ZNF177: variants seen among roughly 807,000 people sequenced by gnomAD.
ZNF177 encodes zinc finger protein 177.
Under a neutral mutation model 19.4 loss-of-function variants are expected in ZNF177, and 17 were observed. The ratio of observed to expected loss-of-function variants is 0.87; its 90% CI spans 0.60 to 1.31. The LOEUF is 1.31. Ranked by LOEUF, ZNF177 falls within the 40% of genes most tolerant of loss-of-function variation. The pLI is 0.00. For synonymous variants in ZNF177, 220 were observed against 188.7 expected (o/e 1.17, Z -1.36); for missense variants, 633 against 561.8 (o/e 1.13, Z -1.28).
intron 2 of ZNF177, among the ~76,000 whole-genome samples, chr19:9,369,368 C>A (rs2068019339): frequency 6.6e-6 from 1 of 151,994 alleles, no homozygotes; most frequent in South Asian, 2.1e-4. Flanking sequence ...ATGTCATTAC[C>A]TCTAATAGTG....
In ZNF177 at chr19:9,379,069, T is replaced by C. The variant is rs79577494; in HGVS notation, c.141T>C (p.Phe47=). ...ACAAAGATGTGATGCTGGAGAACTT[T>C]AGGAACCTGGCCTCAGTAGGTAAGG... The change falls in exon 3 of 6, where the codon TTT becomes TTC. Residue 47 remains phenylalanine (F), a synonymous_variant. Transcript: ENST00000589262. 981 of 1,609,550 alleles carry C rather than the reference T, an allele frequency of 6.1e-4. 17 individuals are homozygous for C. The East Asian group carries it at 0.02, about 33-fold the overall frequency.
chr19:9,381,872 G>C (rs1318087336), exon 6 of ZNF177: 1 of 1,497,266 alleles, frequency 6.7e-7, no homozygotes, highest in Non-Finnish European at 8.9e-7. Context: ...CCTGGAAACA[G>C]CCTTCTGGCC....
intron 1 of ZNF177, among the ~76,000 whole-genome samples, chr19:9,377,241 G>A (rs2068122113): frequency 6.6e-6 from 1 of 152,136 alleles, no homozygotes; most frequent in African/African-American, 2.4e-5. Flanking sequence ...TCATGTAACA[G>A]TAGTAAATAT....
intron 1 of ZNF177, among the ~76,000 whole-genome samples, chr19:9,377,179 T>C (rs1316493004): frequency 6.6e-6 from 1 of 152,154 alleles, no homozygotes; most frequent in African/African-American, 2.4e-5. Context: ...CAGTGTAACA[T>C]TGTAAAGCAC....
chr19:9,379,465 A>G, intron 3 of ZNF177, 62 bp from the exon 6 acceptor site: 1 of 1,554,812 alleles, frequency 6.4e-7, no homozygotes, highest in Non-Finnish European at 8.7e-7. Context: ...TATGGCAATC[A>G]GTTTTGTGGA....
At chr19:9,381,008 C>A in exon 6 of ZNF177, 1 of 1,580,156 alleles carries the variant, frequency 6.3e-7, no homozygotes, top group Non-Finnish European at 8.6e-7. Context: ...GAGCAAATAC[C>A]TACTGGAGAG....
chr19:9,382,412 AGAAAG>A, downstream of ZNF177: 1 of 398,740 alleles, frequency 2.5e-6, no homozygotes, highest in South Asian at 1.3e-4. Context: ...AGGAGGACAG[AGAAAG>A]GATACTAAAT....
At chr19:9,363,042 C>T (rs1599379601) in exon 1 of ZNF177, 1 of 152,332 alleles carries the variant, frequency 6.6e-6, no homozygotes, top group Non-Finnish European at 1.5e-5. Flanking sequence ...TAGCTGTCGC[C>T]TGCAGCTGAG....
chr19:9,379,100 CTCATTTCT>C lies in ZNF177; in HGVS notation c.160+19_160+26del. On this transcript the variant is annotated intron_variant, in intron 3 of 5. Transcript: ENST00000589262. ...CCTGGCCTCAGTAGGTAAGGCTGGC[CTCATTTCT>C]TCATTTGTTTATGTAGCAAATAGTT... The C allele has an allele frequency of 6.3e-7, 1 of 1,588,166 alleles. No homozygotes were observed. Among genetic ancestry groups the C allele is most frequent in the Non-Finnish European group, 8.6e-7 (1 of 1,166,338 alleles).
chr19:9,380,005 T>C, intron 4 of ZNF177, 52 bp from the exon 7 acceptor site: 2 of 1,583,696 alleles, frequency 1.3e-6, no homozygotes, highest in Non-Finnish European at 1.7e-6. Context: ...CCCTTTTTCT[T>C]TGATCCCAAC....
intron 2 of ZNF177, among the ~76,000 whole-genome samples, chr19:9,366,550 C>T (rs2067982501): frequency 5.9e-5 from 9 of 152,210 alleles, no homozygotes; most frequent in Admixed American, 5.9e-4. Context: ...AGTCACCATG[C>T]CTGGCCTTCA....
intron 2 of ZNF177, among the ~76,000 whole-genome samples, chr19:9,369,170 A>C (rs1006181101): frequency 1.3e-5 from 2 of 152,108 alleles, no homozygotes; most frequent in Non-Finnish European, 1.5e-5. Context: ...GTGCTAGATT[A>C]AGCATACTCA....
chr19:9,379,957 G>A (rs769994719), intron 4 of ZNF177, 100 bp from the exon 7 acceptor site: 1 of 1,346,660 alleles, frequency 7.4e-7, no homozygotes, highest in African/African-American at 1.5e-5. Context: ...TCTCTACTTA[G>A]AAGATATTAT....
Position 9,379,461 on chromosome 19 carries a change from A to C in ZNF177, c.161-66A>C. ...CCTTTAGTTAAAGCCAAAGTATGGCAATCAGTTTTGTGGAATATTTAATTC... is the reference window on the plus strand; with the variant it reads ...CCTTTAGTTAAAGCCAAAGTATGGCCATCAGTTTTGTGGAATATTTAATTC... On this transcript the variant is annotated intron_variant, in intron 3 of 5. Coordinates refer to ENST00000589262, the Ensembl canonical transcript of ZNF177. 3 of 1,547,718 alleles carry C rather than the reference A, an allele frequency of 1.9e-6. No homozygotes were observed. The East Asian group carries it at 6.9e-5, about 36-fold the overall frequency.
chr19:9,380,490 C>A, intron 5 of ZNF177, 178 bp from the exon 8 acceptor site: 2 of 1,258,436 alleles, frequency 1.6e-6, no homozygotes, highest in Non-Finnish European at 2.2e-6. Flanking sequence ...GAGGAGTGAG[C>A]TTATTCAACT....
intron 1 of ZNF177, among the ~76,000 whole-genome samples, chr19:9,363,656 G>A (rs1426286409): frequency 6.6e-6 from 1 of 152,214 alleles, no homozygotes; most frequent in African/African-American, 2.4e-5. Flanking sequence ...GGTATGACCA[G>A]ATCCCCCTCT....
At chr19:9,363,804 C>T (rs770550141) in intron 1 of ZNF177, among the ~76,000 whole-genome samples, 1 of 152,074 alleles carries the variant, frequency 6.6e-6, no homozygotes, top group African/African-American at 2.4e-5. Flanking sequence ...ACTTTATTCT[C>T]CCTTTATAAT....
chr19:9,373,750 C>G (rs2195947), upstream of ZNF177, among the ~76,000 whole-genome samples: 1 of 151,922 alleles, frequency 6.6e-6, no homozygotes, highest in South Asian at 2.1e-4. Context: ...CTTTGGAAAA[C>G]TGTCTATTTA....
chr19:9,379,942 A>C, intron 4 of ZNF177, 115 bp from the exon 7 acceptor site: 1 of 1,225,614 alleles, frequency 8.2e-7, no homozygotes, highest in Non-Finnish European at 1.1e-6. Context: ...CTTCTTTCTT[A>C]CATTTCTCTA....
Sources: gnomAD v4.1 joint callset for allele counts (sites outside exome capture counted in the v4.1 genomes callset) on GRCh38, gnomAD v4.1.1 for gene constraint, MANE v1.5 for transcripts, NCBI Gene and HGNC (gene_info 2026-07-23, HGNC 2026-07-21) for gene names.